WDR59: variants seen among roughly 807,000 people sequenced by gnomAD.
The protein encoded by WDR59 is WD repeat domain 59.
Under a neutral mutation model 131.2 loss-of-function variants are expected in WDR59, and 100 were observed. The ratio of observed to expected loss-of-function variants is 0.76; its 90% confidence interval spans 0.65 to 0.90. The LOEUF is 0.90. Among genes scored for constraint, WDR59 ranks in the 40% least tolerant of loss-of-function variants. The pLI, the probability that WDR59 is intolerant of heterozygous loss-of-function variation, is 0.00. For synonymous variants in WDR59, 601 were observed against 466.2 expected, an observed-to-expected ratio of 1.29 and a Z score of -3.72; for missense variants, 1,203 against 1,262.2, an observed-to-expected ratio of 0.95 and a Z score of 0.71.
rs764360223 is a variant in WDR59 at position 74,910,020 on chromosome 16, T to C, written c.1390-103A>G. On this transcript the variant is annotated intron_variant, in intron 14 of 25. Transcript: ENST00000262144. ...TCTCTCTTTGTTGCCCAGGCTGGAGTGTAGTGGTACGATCTCGGCTCATTG... is the reference window on the plus strand; with the variant it reads ...TCTCTCTTTGTTGCCCAGGCTGGAGCGTAGTGGTACGATCTCGGCTCATTG... 1.6e-4 allele frequency: 158 copies of C among 987,408 alleles called. 1 individual carries two copies. Among genetic ancestry groups the C allele is most frequent in the Non-Finnish European group, 2.2e-4 (150 of 686,274 alleles). The allele number at this position is 987,408 out of a possible 1,614,324, so 61.2% of individuals were successfully genotyped here.
At chr16:74,883,799 A>T (rs1964630583) in intron 25 of WDR59, among the ~76,000 whole-genome samples, 1 of 152,138 alleles carries the variant, frequency 6.6e-6, no homozygotes, top group Non-Finnish European at 1.5e-5. Flanking sequence ...TCCAGGGTCA[A>T]CACACCCATT....
intron 23 of WDR59, 134 bp downstream of exon 23, chr16:74,887,549 C>A: frequency 2.4e-6 from 2 of 831,542 alleles, no homozygotes; most frequent in South Asian, 1.8e-5. Flanking sequence ...GCAAGAGTAT[C>A]CCTATCACAG....
At chr16:74,950,153 C>A (rs2145134389) in intron 4 of WDR59, among the ~76,000 whole-genome samples, 1 of 152,204 alleles carries the variant, frequency 6.6e-6, no homozygotes, top group East Asian at 1.9e-4. Flanking sequence ...ACCAGCCTGG[C>A]CAGTATGGTG....
At chr16:74,952,741 G>A (rs927588060) in intron 3 of WDR59, among the ~76,000 whole-genome samples, 2 of 150,574 alleles carry the variant, frequency 1.3e-5, no homozygotes, top group African/African-American at 2.4e-5. Context: ...TGAAAACAAC[G>A]GCAGGCTACT....
intron 1 of WDR59, among the ~76,000 whole-genome samples, chr16:74,966,984 A>G (rs1009219592): frequency 2.0e-5 from 3 of 152,234 alleles, no homozygotes; most frequent in Non-Finnish European, 4.4e-5. Context: ...TCATGCCAGT[A>G]TCATGAAACA....
Position 74,874,892 on chromosome 16 carries a change from G to GTTTTTTTT in WDR59, c.2690-456_2690-449dup, listed in dbSNP as rs917317436. ...AGGCGTGAGCCACTGTGCCCAGCCT[G>GTTTTTTTT]TTTTTTTTTGTTTTTTTTACACCAG... On this transcript the variant is annotated intron_variant, in intron 25 of 25. Transcript: ENST00000262144. Among the ~76,000 whole-genome samples, 314 of 151,408 alleles carry GTTTTTTTT rather than the reference G, an allele frequency of 2.1e-3. 1 individual carries two copies. Among genetic ancestry groups the GTTTTTTTT allele is most frequent in the African/African-American group, 7.0e-3 (289 of 41,100 alleles).
chr16:74,908,799 T>G, intron 17 of WDR59, 109 bp downstream of exon 17: 1 of 762,416 alleles, frequency 1.3e-6, no homozygotes, highest in Non-Finnish European at 2.2e-6. Context: ...GGGAGTTTAC[T>G]GAAGAACTGA....
intron 4 of WDR59, chr16:74,950,018 G>T: frequency 1.8e-6 from 1 of 570,298 alleles, no homozygotes; most frequent in Non-Finnish European, 3.3e-6. Context: ...TCTGCTCCCA[G>T]AAAAGAAATG....
chr16:74,936,663 T>C (rs1567410717), intron 8 of WDR59, among the ~76,000 whole-genome samples: 1 of 151,942 alleles, frequency 6.6e-6, no homozygotes, highest in East Asian at 1.9e-4. Context: ...CTGTCTGTAC[T>C]AAAAATACAA....
At chr16:74,961,241 G>C (rs1290171854) in intron 2 of WDR59, among the ~76,000 whole-genome samples, 1 of 151,930 alleles carries the variant, frequency 6.6e-6, no homozygotes, top group South Asian at 2.1e-4. Flanking sequence ...CCTGGAAGTC[G>C]AGACTGCAGT....
chr16:74,963,763 A>T (rs1376764573), intron 2 of WDR59, among the ~76,000 whole-genome samples: 3 of 152,124 alleles, frequency 2.0e-5, no homozygotes, highest in South Asian at 2.1e-4. Context: ...AATTTTTTTT[A>T]AAAAGAAGAG....
At chr16:74,962,684 G>T (rs1484982829) in intron 2 of WDR59, 1 of 151,912 alleles carries the variant, frequency 6.6e-6, no homozygotes, top group Non-Finnish European at 1.5e-5. Context: ...GAAGCTTTTG[G>T]GCTGAGACAA....
rs1039381778 is a variant in WDR59, at chr16:74,874,088, G to A, written c.*121C>T. On this transcript the variant is annotated 3_prime_UTR_variant, in exon 26 of 26. Coordinates refer to ENST00000262144, the MANE Select transcript of WDR59 (RefSeq NM_030581.4). ...AGCTGATGCTGCGCAGTCCTTGGGGGATCATCCTCCGGTCTCACTGGGGAC... is the reference window on the plus strand; with the variant it reads ...AGCTGATGCTGCGCAGTCCTTGGGGAATCATCCTCCGGTCTCACTGGGGAC... The A allele has an allele frequency of 1.1e-5, 9 of 806,818 alleles. No individual in the cohort carries two copies. Among genetic ancestry groups the A allele is most frequent in the African/African-American group, 5.2e-5 (3 of 58,160 alleles). 50.0% of individuals were successfully genotyped at this position (806,818 alleles called of 1,614,324 possible).
intron 25 of WDR59, among the ~76,000 whole-genome samples, chr16:74,879,594 G>C (rs772594325): frequency 2.8e-4 from 42 of 152,054 alleles, no homozygotes; most frequent in Non-Finnish European, 5.6e-4. Context: ...TACTAGAAAG[G>C]AGAAAACATT....
At chr16:74,970,526 A>AAAAAAAAAAAC (rs1210461650) in intron 1 of WDR59, among the ~76,000 whole-genome samples, 1 of 143,202 alleles carries the variant, frequency 7.0e-6, no homozygotes, top group South Asian at 2.2e-4. Flanking sequence ...AAAAAAAAAA[A>AAAAAAAAAAAC]AGCAGCTCTC....
intron 3 of WDR59, among the ~76,000 whole-genome samples, chr16:74,954,350 G>C (rs992175070): frequency 2.6e-5 from 4 of 152,130 alleles, no homozygotes; most frequent in African/African-American, 9.7e-5. Flanking sequence ...GGAGGTTGTG[G>C]TGAGCCGAGA....
chr16:74,919,873 T>C (rs2144991037), intron 10 of WDR59, among the ~76,000 whole-genome samples: 1 of 152,096 alleles, frequency 6.6e-6, no homozygotes, highest in South Asian at 2.1e-4. Flanking sequence ...AATTGATGAC[T>C]ACCAGCCTGG....
intron 1 of WDR59, among the ~76,000 whole-genome samples, chr16:74,969,426 C>T (rs1035826443): frequency 2.0e-5 from 3 of 152,006 alleles, no homozygotes; most frequent in African/African-American, 4.8e-5. Context: ...GTGCATGCCA[C>T]TACGCTCGGC....
chr16:74,916,763 G>C (rs1021016591), intron 11 of WDR59, among the ~76,000 whole-genome samples: 6 of 151,710 alleles, frequency 4.0e-5, no homozygotes, highest in African/African-American at 1.5e-4. Context: ...GGAGGCTGAG[G>C]CAGGAGAATC....
Sources: allele counts gnomAD v4.1 joint callset (sites outside exome capture counted in the v4.1 genomes callset), GRCh38; gene constraint gnomAD v4.1.1; transcripts MANE v1.5; gene names NCBI Gene and HGNC (gene_info 2026-07-23, HGNC 2026-07-21).